Variants in CFAP299 observed in about 807,000 individuals in gnomAD.
CFAP299 encodes cilia- and flagella-associated protein 299.
A neutral mutation model predicts 27.0 loss-of-function variants in CFAP299; 21 were observed. The ratio of observed to expected loss-of-function variants is 0.78; its 90% confidence interval spans 0.55 to 1.12. The LOEUF is 1.12. Among genes scored for constraint, CFAP299 ranks in the 50% most tolerant of loss-of-function variants. CFAP299 has a pLI of 0.00. For missense variants in CFAP299, 310 were observed against 276.6 expected (o/e 1.12, Z -0.86); for synonymous variants, 104 against 98.1 (o/e 1.06, Z -0.36).
chr4:80,443,048 C>T (rs551406496), intron 2 of CFAP299, among the ~76,000 whole-genome samples: 1 of 152,130 alleles, frequency 6.6e-6, no homozygotes, highest in African/African-American at 2.4e-5. Context: ...TAGTTAATAG[C>T]CTACCAAACA....
intron 3 of CFAP299, among the ~76,000 whole-genome samples, chr4:80,780,344 T>G (rs1248012855): frequency 2.6e-5 from 4 of 152,120 alleles, no homozygotes; most frequent in African/African-American, 9.7e-5. Flanking sequence ...ATTGTAAGCT[T>G]TTGAAAGGCA....
At chr4:80,436,836 A>G (rs1728108525) in intron 2 of CFAP299, among the ~76,000 whole-genome samples, 1 of 152,178 alleles carries the variant, frequency 6.6e-6, no homozygotes, top group African/African-American at 2.4e-5. Context: ...TAAGGGAGAA[A>G]TGAACTTTGA....
At chr4:80,899,861 G>A (rs1734798373) in intron 4 of CFAP299, among the ~76,000 whole-genome samples, 1 of 152,186 alleles carries the variant, frequency 6.6e-6, no homozygotes, top group African/African-American at 2.4e-5. Flanking sequence ...AAGGGTTGTT[G>A]TGAGAACAGA....
intron 5 of CFAP299, among the ~76,000 whole-genome samples, chr4:80,961,443 T>G (rs1300605501): frequency 2.0e-5 from 3 of 151,846 alleles, no homozygotes; most frequent in Non-Finnish European, 4.4e-5. Context: ...TAAAATACTA[T>G]AGCTTTTAAT....
At chr4:80,824,113 A>T (rs190288235) in intron 3 of CFAP299, among the ~76,000 whole-genome samples, 1 of 152,264 alleles carries the variant, frequency 6.6e-6, no homozygotes, top group Non-Finnish European at 1.5e-5. Flanking sequence ...AGGTTGATGG[A>T]GTAGGAAGCA....
chr4:80,469,975 A>C (rs1233582055), intron 2 of CFAP299, among the ~76,000 whole-genome samples: 1 of 152,106 alleles, frequency 6.6e-6, no homozygotes, highest in African/African-American at 2.4e-5. Context: ...CATTTGACTG[A>C]GTAAAAGAAC....
intron 3 of CFAP299, among the ~76,000 whole-genome samples, chr4:80,757,108 A>T (rs1725278497): frequency 6.6e-6 from 1 of 152,170 alleles, no homozygotes; most frequent in African/African-American, 2.4e-5. Context: ...CTCAAGCTTC[A>T]TATTAGTTAG....
chr4:80,390,529 G>GTATATATACACA (rs1187012612), intron 2 of CFAP299, among the ~76,000 whole-genome samples: 1 of 54,938 alleles, frequency 1.8e-5, no homozygotes, highest in Non-Finnish European at 6.3e-5. Flanking sequence ...ATGTATATAT[G>GTATATATACACA]TATATATGTA....
intron 3 of CFAP299, among the ~76,000 whole-genome samples, chr4:80,768,294 T>C (rs1009671566): frequency 6.6e-6 from 1 of 152,206 alleles, no homozygotes; most frequent in Non-Finnish European, 1.5e-5. Flanking sequence ...AATAGTAGAA[T>C]GTATCTGTTT....
chr4:80,879,702 T>C (rs983132991), intron 4 of CFAP299, among the ~76,000 whole-genome samples: 2 of 152,208 alleles, frequency 1.3e-5, no homozygotes, highest in African/African-American at 4.8e-5. Flanking sequence ...GATGTGTAAT[T>C]TTAATTAATG....
chr4:80,386,804 G>T, intron 2 of CFAP299: 1 of 1,057,636 alleles, frequency 9.5e-7, no homozygotes, highest in East Asian at 2.4e-5. Context: ...CGTCGATAAA[G>T]GGCATTTATA....
intron 1 of CFAP299, among the ~76,000 whole-genome samples, chr4:80,355,354 CTTTTT>C (rs70944772): frequency 3.1e-5 from 3 of 95,522 alleles, no homozygotes; most frequent in African/African-American, 1.3e-4. Context: ...ATGTCCTTTG[CTTTTT>C]TTTTTTTTTT....
chr4:80,806,681 G>A (rs1054693937), intron 3 of CFAP299, among the ~76,000 whole-genome samples: 4 of 152,146 alleles, frequency 2.6e-5, no homozygotes, highest in Non-Finnish European at 4.4e-5. Context: ...AATTAGGGTG[G>A]GACTTGAAAA....
At chr4:80,613,112 A>G (rs1199886177) in intron 3 of CFAP299, among the ~76,000 whole-genome samples, 2 of 152,100 alleles carry the variant, frequency 1.3e-5, no homozygotes, top group Non-Finnish European at 2.9e-5. Context: ...GAGCTATGCA[A>G]TTTCCCCAAG....
At chr4:80,808,493 C>A (rs994681426) in intron 3 of CFAP299, among the ~76,000 whole-genome samples, 2 of 151,994 alleles carry the variant, frequency 1.3e-5, no homozygotes, top group Non-Finnish European at 2.9e-5. Context: ...ATATAGCTTC[C>A]AAAATGCCCT....
intron 3 of CFAP299, among the ~76,000 whole-genome samples, chr4:80,629,173 C>G (rs1198318364): frequency 6.6e-6 from 1 of 152,060 alleles, no homozygotes. Context: ...CATGTATTAA[C>G]CTGGAGGACA....
chr4:80,326,495 C>T, the CFAP299 span, among the ~76,000 whole-genome samples: 1 of 152,146 alleles, frequency 6.6e-6, no homozygotes. Flanking sequence ...GGGGCATAGT[C>T]GCTACAGTGG....
chr4:80,695,932 G>A (rs1721060357), intron 3 of CFAP299, among the ~76,000 whole-genome samples: 2 of 152,042 alleles, frequency 1.3e-5, no homozygotes, highest in South Asian at 4.1e-4. Flanking sequence ...TTACAAGCAT[G>A]AGCCACAGCG....
intron 3 of CFAP299, among the ~76,000 whole-genome samples, chr4:80,841,217 T>G (rs1163311767): frequency 6.6e-6 from 1 of 152,152 alleles, no homozygotes; most frequent in Non-Finnish European, 1.5e-5. Flanking sequence ...CAGGGCATCA[T>G]CGTTCACTGA....
Sources: allele counts gnomAD v4.1 joint callset (sites outside exome capture counted in the v4.1 genomes callset), GRCh38; gene constraint gnomAD v4.1.1; transcripts MANE v1.5; gene names NCBI Gene and HGNC (gene_info 2026-07-23, HGNC 2026-07-21).